The following RNGTT variants were observed in gnomAD, a reference collection of about 807,000 sequenced individuals.
RNGTT encodes the protein RNA guanylyltransferase and 5'-phosphatase, also known as mRNA-capping enzyme.
In RNGTT, 33 loss-of-function variants were observed where a neutral mutation model predicts 79.3. The ratio of observed to expected loss-of-function variants is 0.42; its 90% confidence interval spans 0.32 to 0.56. The LOEUF (loss-of-function observed/expected upper bound fraction) is 0.56. Among genes scored for constraint, RNGTT ranks in the 20% least tolerant of loss-of-function variants. RNGTT has a pLI of 0.17. For synonymous variants in RNGTT, 222 were observed against 235.9 expected (o/e 0.94, Z 0.54); for missense variants, 497 against 739.1 (o/e 0.67, Z 3.80).
intron 14 of RNGTT, among the ~76,000 whole-genome samples, chr6:88,665,436 G>C (rs1159031394): frequency 6.6e-6 from 1 of 152,158 alleles, no homozygotes; most frequent in Non-Finnish European, 1.5e-5. Flanking sequence ...CCTCCTACCT[G>C]TTCCCAAGCC....
chr6:88,843,552 T>A (rs1392010729), intron 11 of RNGTT, among the ~76,000 whole-genome samples: 2 of 125,190 alleles, frequency 1.6e-5, no homozygotes, highest in African/African-American at 6.1e-5. Context: ...ATGATTCTTT[T>A]TTTTTTTTTT....
At chr6:88,812,740 T>C (rs1310375409) in intron 11 of RNGTT, among the ~76,000 whole-genome samples, 1 of 152,246 alleles carries the variant, frequency 6.6e-6, no homozygotes, top group Admixed American at 6.5e-5. Context: ...TTACATATCA[T>C]ATGAGATTAC....
At chr6:88,953,184 C>T (rs1785312814) in intron 1 of RNGTT, among the ~76,000 whole-genome samples, 1 of 151,916 alleles carries the variant, frequency 6.6e-6, no homozygotes, top group Non-Finnish European at 1.5e-5. Context: ...AAGGAGATAC[C>T]AGAACAAGGT....
chr6:88,782,914 G>A (rs1779111444), intron 12 of RNGTT, among the ~76,000 whole-genome samples: 1 of 152,146 alleles, frequency 6.6e-6, no homozygotes, highest in Non-Finnish European at 1.5e-5. Flanking sequence ...CAAGGATATG[G>A]AGAAAAGTGA....
At chr6:88,861,034 C>T (rs531942052) in intron 8 of RNGTT, among the ~76,000 whole-genome samples, 14 of 152,244 alleles carry the variant, frequency 9.2e-5, no homozygotes, top group Middle Eastern at 3.4e-3. Context: ...CATCCTTCAA[C>T]ATAGACAAGT....
At chr6:88,943,616 T>G (rs1011217278) in intron 1 of RNGTT, among the ~76,000 whole-genome samples, 1 of 150,826 alleles carries the variant, frequency 6.6e-6, no homozygotes, top group African/African-American at 2.4e-5. Flanking sequence ...GCCCTCATAG[T>G]GTTTATATTC....
chr6:88,699,054 G>A (rs1180108701), intron 13 of RNGTT, among the ~76,000 whole-genome samples: 7 of 152,108 alleles, frequency 4.6e-5, no homozygotes, highest in Admixed American at 6.5e-5. Context: ...ACTTACCCTC[G>A]TGGTGAAATT....
At chr6:88,740,522 C>CA (rs548775574) in intron 13 of RNGTT, among the ~76,000 whole-genome samples, 128 of 150,070 alleles carry the variant, frequency 8.5e-4, no homozygotes, top group Admixed American at 2.7e-3. Context: ...CTCAAAAAAA[C>CA]AAAAAAACAA....
chr6:88,871,475 C>A (rs1205308160), intron 8 of RNGTT, among the ~76,000 whole-genome samples: 2 of 152,000 alleles, frequency 1.3e-5, no homozygotes, highest in African/African-American at 4.8e-5. Flanking sequence ...TAAGTTTGGG[C>A]TAGACTTATA....
intron 1 of RNGTT, 23 bp downstream of exon 1, chr6:88,963,323 G>T (rs759139589): frequency 3.1e-6 from 5 of 1,611,664 alleles, no homozygotes; most frequent in South Asian, 2.2e-5. Context: ...GTGGGGATTC[G>T]AACGCCCCCC....
At chr6:88,853,312 C>A (rs1479939266) in intron 9 of RNGTT, among the ~76,000 whole-genome samples, 2 of 151,962 alleles carry the variant, frequency 1.3e-5, no homozygotes, top group African/African-American at 2.4e-5. Context: ...TCAAGACCAG[C>A]CTGACCAACA....
At chr6:88,682,615 G>A (rs1210767932) in intron 13 of RNGTT, among the ~76,000 whole-genome samples, 5 of 151,650 alleles carry the variant, frequency 3.3e-5, no homozygotes, top group African/African-American at 9.7e-5. Flanking sequence ...TTTAAGTTCC[G>A]GGGTACGTGT....
intron 14 of RNGTT, among the ~76,000 whole-genome samples, chr6:88,665,805 C>T (rs141894816): frequency 1.1e-4 from 16 of 152,284 alleles, no homozygotes; most frequent in Non-Finnish European, 1.6e-4. Flanking sequence ...TCCAGTACAT[C>T]GACAACCTCC....
intron 14 of RNGTT, among the ~76,000 whole-genome samples, chr6:88,630,470 A>C (rs1208169348): frequency 6.6e-6 from 1 of 152,204 alleles, no homozygotes. Flanking sequence ...TCTGGTGTAA[A>C]ATGGATATTC....
intron 13 of RNGTT, among the ~76,000 whole-genome samples, chr6:88,763,745 G>A (rs567410554): frequency 6.6e-6 from 1 of 152,270 alleles, no homozygotes; most frequent in South Asian, 2.1e-4. Flanking sequence ...AAGATTTCTA[G>A]GGGTCCAATG....
intron 12 of RNGTT, among the ~76,000 whole-genome samples, chr6:88,770,240 T>C (rs1029973299): frequency 1.3e-5 from 2 of 152,142 alleles, no homozygotes; most frequent in African/African-American, 2.4e-5. Flanking sequence ...GACAAATATA[T>C]ACAGTTACGT....
intron 1 of RNGTT, among the ~76,000 whole-genome samples, chr6:88,942,592 A>G (rs556747872): frequency 1.3e-3 from 204 of 152,148 alleles, no homozygotes; most frequent in Non-Finnish European, 2.3e-3. Context: ...GCTGGTCTCG[A>G]ATTCCTAAGC....
intron 4 of RNGTT, among the ~76,000 whole-genome samples, chr6:88,909,557 AG>A (rs1255366246): frequency 6.6e-6 from 1 of 152,192 alleles, no homozygotes; most frequent in Non-Finnish European, 1.5e-5. Context: ...CTAAGCGAGC[AG>A]GAAGAGAAGC....
At chr6:88,918,440 G>C (rs1404433907) in intron 4 of RNGTT, among the ~76,000 whole-genome samples, 2 of 152,038 alleles carry the variant, frequency 1.3e-5, no homozygotes, top group African/African-American at 4.8e-5. Context: ...AAAGGGAAGA[G>C]GGAATGCAAA....
Sources: gnomAD v4.1 joint callset for allele counts (sites outside exome capture counted in the v4.1 genomes callset) on GRCh38, gnomAD v4.1.1 for gene constraint, MANE v1.5 for transcripts, NCBI Gene and HGNC (gene_info 2026-07-23, HGNC 2026-07-21) for gene names.